The following PCDHGA7 variants were observed in gnomAD, a reference collection of about 807,000 sequenced individuals.
PCDHGA7 encodes the protein protocadherin gamma-A7.
In PCDHGA7, 44 loss-of-function variants were observed where a neutral mutation model predicts 58.3. That is an observed-to-expected ratio of 0.75 (90% CI 0.59 to 0.97). The LOEUF (loss-of-function observed/expected upper bound fraction) is 0.97. PCDHGA7 is among the 50% of genes least tolerant of loss of function. The pLI, the probability that PCDHGA7 is intolerant of heterozygous loss-of-function variation, is 0.00. For synonymous variants in PCDHGA7, 516 were observed against 504.2 expected (o/e 1.02, Z -0.31); for missense variants, 1,266 against 1,188.7 (o/e 1.06, Z -0.96).
Position 141,383,054 on chromosome 5 carries a change from T to C in PCDHGA7, c.155T>C (p.Leu52Pro). The C allele has an allele frequency of 1.9e-6, 3 of 1,613,872 alleles. No individual in the cohort carries two copies. Among genetic ancestry groups the C allele is most frequent in the Non-Finnish European group, 2.5e-6 (3 of 1,179,902 alleles). The change falls in exon 1 of 4, where the codon CTG becomes CCG. Residue 52 changes from leucine (L) to proline (P), a missense_variant. Leu to Pro is a moderately conservative substitution (Grantham distance 98). Transcript: ENST00000518325. Reference sequence around the variant, plus strand: ...TTTGTGGGAGACATCGCCAAGGACCTGGGGCTGGAGCCCCGGGAGCTGGCG... The same window carrying C: ...TTTGTGGGAGACATCGCCAAGGACCCGGGGCTGGAGCCCCGGGAGCTGGCG... The part of the protein sequence containing the change: ...GSFVGDIAKD[L>P]GLEPRELAER...
chr5:141,386,587 G>A (rs1423292010), intron 1 of PCDHGA7, among the ~76,000 whole-genome samples: 2 of 151,614 alleles, frequency 1.3e-5, no homozygotes, highest in African/African-American at 4.9e-5. Context: ...CAATAGTGTG[G>A]GGGATACATT....
intron 1 of PCDHGA7, among the ~76,000 whole-genome samples, chr5:141,405,839 G>C (rs2094725144): frequency 6.6e-6 from 1 of 152,134 alleles, no homozygotes; most frequent in African/African-American, 2.4e-5. Context: ...AGTATAAGTT[G>C]ATATCAGTGT....
intron 1 of PCDHGA7, chr5:141,400,123 G>T: frequency 6.2e-7 from 1 of 1,614,082 alleles, no homozygotes; most frequent in Non-Finnish European, 8.5e-7. Flanking sequence ...CAGCTTGCAG[G>T]AGGTGCTGCC....
chr5:141,457,471 C>T (rs1478580665), intron 1 of PCDHGA7, among the ~76,000 whole-genome samples: 1 of 152,182 alleles, frequency 6.6e-6, no homozygotes, highest in African/African-American at 2.4e-5. Context: ...CAGGAATAAG[C>T]AGGGCCAGGG....
intron 1 of PCDHGA7, chr5:141,389,400 AGCGC>A (rs2150385005): frequency 1.2e-6 from 2 of 1,613,622 alleles, no homozygotes; most frequent in African/African-American, 2.7e-5. Flanking sequence ...CGTGTCCATA[AGCGC>A]GGAGAGCGGG....
intron 1 of PCDHGA7, chr5:141,429,169 T>TACAC (rs10667977): frequency 0.077 from 11,199 of 145,388 alleles, 458 homozygotes; most frequent in African/African-American, 0.081. Flanking sequence ...ACATTGTTTA[T>TACAC]ACACACACAC....
chr5:141,405,553 T>G, intron 1 of PCDHGA7: 1 of 619,004 alleles, frequency 1.6e-6, no homozygotes, highest in Non-Finnish European at 2.8e-6. Flanking sequence ...CCAAGTAGAG[T>G]AGCTGGGACT....
chr5:141,399,561 G>A, intron 1 of PCDHGA7: 2 of 1,614,042 alleles, frequency 1.2e-6, no homozygotes, highest in Non-Finnish European at 1.7e-6. Flanking sequence ...TGGACTTGGG[G>A]TTGAACGGCC....
chr5:141,491,528 C>T lies in PCDHGA7; in HGVS notation c.2425-3279C>T, dbSNP rs745806026. ...GGCACGCTCAAGTACATGGAGGTGACGCTGCGGCCCACAGACTCGCAGAGC... is the reference window on the plus strand; with the variant it reads ...GGCACGCTCAAGTACATGGAGGTGATGCTGCGGCCCACAGACTCGCAGAGC... On this transcript the variant is annotated intron_variant, in intron 1 of 3. Coordinates refer to ENST00000518325, the MANE Select transcript of PCDHGA7 (RefSeq NM_018920.4). The surrounding 1 kb of genome is among the most constrained non-coding windows in gnomAD (Gnocchi z 6.9). 4 of 1,613,950 alleles carry T rather than the reference C, an allele frequency of 2.5e-6. No individual in the cohort carries two copies. Among genetic ancestry groups the T allele is most frequent in the South Asian group, 1.1e-5 (1 of 91,092 alleles).
At chr5:141,437,668 G>A (rs72790049) in intron 1 of PCDHGA7, among the ~76,000 whole-genome samples, 16,651 of 151,822 alleles carry the variant, frequency 0.11, 1,007 homozygotes, top group African/African-American at 0.17. Context: ...TCGAAGAGAT[G>A]TTGATCAAAC....
chr5:141,463,438 CTTTTTTTTTTTTTTT>C (rs71576115), intron 1 of PCDHGA7, among the ~76,000 whole-genome samples: 7 of 103,256 alleles, frequency 6.8e-5, no homozygotes, highest in African/African-American at 3.1e-4. Flanking sequence ...TTTCCTTCTC[CTTTTTTTTTTTTTTT>C]TTTTTTTTTT....
rs773688197 is a variant in PCDHGA7 at position 141,432,412 on chromosome 5, C to A, written c.2424+47089C>A. 2.5e-6 allele frequency: 4 copies of A among 1,614,128 alleles called. No homozygotes were observed. The Admixed American group carries it at 6.7e-5, about 27-fold the overall frequency. On this transcript the variant is annotated intron_variant, in intron 1 of 3. Transcript: ENST00000518325. The surrounding 1 kb of genome is among the most constrained non-coding windows in gnomAD (Gnocchi z 6.0). ...GCAGCAACGTGTCGTTGAGCCTGTT[C>A]GTGCTGGACCAGAACGACAATGCGC...
intron 1 of PCDHGA7, chr5:141,403,288 CAG>C: frequency 6.2e-7 from 1 of 1,613,878 alleles, no homozygotes; most frequent in Admixed American, 1.7e-5. Context: ...TGGTTGAAGA[CAG>C]AGTGAAACTG....
rs541220236 is a variant in PCDHGA7, at chr5:141,382,835, C to A, written c.-65C>A. On this transcript the variant is annotated 5_prime_UTR_variant, in exon 1 of 4. Transcript: ENST00000518325. Reference sequence around the variant, plus strand: ...CCTTCCTAAGACAGAGGGGTCCACCCGGATACACCCGCATTCTGAAGCACT... The same window carrying A: ...CCTTCCTAAGACAGAGGGGTCCACCAGGATACACCCGCATTCTGAAGCACT... The A allele has an allele frequency of 2.7e-4, 387 of 1,431,176 alleles. 2 individuals carry two copies. In the Middle Eastern group the frequency reaches 2.8e-3, roughly 10 times the overall value. The allele number at this position is 1,431,176 out of a possible 1,614,324, so 88.7% of individuals were successfully genotyped here. A position where few individuals can be genotyped will look rare whatever the true frequency, so the allele number is the denominator to read the frequency against.
Position 141,477,912 on chromosome 5 carries a change from A to T in PCDHGA7, c.2425-16895A>T. The T allele has an allele frequency of 6.2e-7, 1 of 1,614,166 alleles. No individual in the cohort carries two copies. Among genetic ancestry groups the T allele is most frequent in the Non-Finnish European group, 8.5e-7 (1 of 1,180,022 alleles). ...TCACGGGTGGTAGGCTGGGACGCGGATGCAGGGCACAATGCCTGGCTCTCC... is the reference window on the plus strand; with the variant it reads ...TCACGGGTGGTAGGCTGGGACGCGGTTGCAGGGCACAATGCCTGGCTCTCC... On this transcript the variant is annotated intron_variant, in intron 1 of 3. Coordinates refer to ENST00000518325, the MANE Select transcript of PCDHGA7 (RefSeq NM_018920.4). This position sits in a 1 kb window ranked among gnomAD's most constrained non-coding sequence, Gnocchi z 4.9.
intron 1 of PCDHGA7, among the ~76,000 whole-genome samples, chr5:141,434,982 A>G (rs908716553): frequency 3.3e-5 from 5 of 152,084 alleles, no homozygotes; most frequent in East Asian, 1.9e-4. Flanking sequence ...TTAATACTCT[A>G]TATCATTTTC....
At chr5:141,435,214 A>T (rs1314928643) in intron 1 of PCDHGA7, among the ~76,000 whole-genome samples, 1 of 152,176 alleles carries the variant, frequency 6.6e-6, no homozygotes, top group Non-Finnish European at 1.5e-5. Context: ...AAGTGAATTT[A>T]CTTTCTTTCA....
intron 1 of PCDHGA7, among the ~76,000 whole-genome samples, chr5:141,436,749 C>T (rs2097844674): frequency 6.6e-6 from 1 of 152,154 alleles, no homozygotes; most frequent in Admixed American, 6.5e-5. Flanking sequence ...TGTGCTTCTC[C>T]ATATGGTATA....
intron 1 of PCDHGA7, chr5:141,413,419 A>C: frequency 6.2e-7 from 1 of 1,614,084 alleles, no homozygotes; most frequent in Non-Finnish European, 8.5e-7. Context: ...TTTCTCTCTG[A>C]ACCCGCGCAG....
Sources: gnomAD v4.1 joint callset for allele counts (sites outside exome capture counted in the v4.1 genomes callset) on GRCh38, gnomAD v4.1.1 for gene constraint, Gnocchi (gnomAD v3.1) non-coding constraint, MANE v1.5 for transcripts, NCBI Gene and HGNC (gene_info 2026-07-23, HGNC 2026-07-21) for gene names.